PAXIP1: variants seen among roughly 807,000 people sequenced by gnomAD.
PAXIP1 encodes PAX interacting protein 1.
In PAXIP1, 19 loss-of-function variants were observed where a neutral mutation model predicts 140.6. That is an observed-to-expected ratio of 0.14 (90% confidence interval 0.09 to 0.20). The LOEUF (loss-of-function observed/expected upper bound fraction) is 0.20. Among genes scored for constraint, PAXIP1 ranks in the 10% least tolerant of loss-of-function variants. The probability of loss-of-function intolerance (pLI) is 1.00; values close to 1 mark genes in which losing one functional copy is unlikely to be tolerated. For missense variants in PAXIP1, 920 were observed against 1,208.6 expected (o/e 0.76, Z 3.54); for synonymous variants, 442 against 444.6 (o/e 0.99, Z 0.07).
Position 154,954,189 on chromosome 7 carries a change from G to A in PAXIP1, c.2821+66C>T. On this transcript the variant is annotated intron_variant, in intron 16 of 20. Coordinates refer to ENST00000404141, the MANE Select transcript of PAXIP1 (RefSeq NM_007349.4). This position sits in a 1 kb window ranked among gnomAD's most constrained non-coding sequence, Gnocchi z 5.1. ...TTAAATATTTGTTGGGATGAAAAGA[G>A]ATGAATTCAAGAAAAAAAAAAGTTT... 9.3e-7 allele frequency: 1 copy of A among 1,073,522 alleles called. No homozygotes were observed. The highest frequency in any genetic ancestry group is 2.2e-4 in the Middle Eastern group (1 of 4,520). 66.5% of individuals were successfully genotyped at this position (1,073,522 alleles called of 1,614,324 possible).
chr7:154,954,299 G>A lies in PAXIP1; in HGVS notation c.2777C>T (p.Thr926Met), dbSNP rs750146450. The A allele has an allele frequency of 1.4e-5, 22 of 1,592,494 alleles. No homozygotes were observed. In the Admixed American group the frequency reaches 2.4e-4, roughly 17 times the overall value. The change falls in exon 16 of 21, where the codon ACG becomes ATG. Residue 926 changes from threonine to methionine, a missense_variant. By Grantham distance (81) the Thr-to-Met change is moderately conservative. This residue lies in a region of PAXIP1 where 303 missense variants were observed against 517.9 expected (regional missense o/e 0.59). Coordinates refer to ENST00000404141, the MANE Select transcript of PAXIP1 (RefSeq NM_007349.4). The surrounding 1 kb of genome is among the most constrained non-coding windows in gnomAD (Gnocchi z 5.1). ...TAISVVKHIV[T>M]PEWLEECFRC... ...GAAGCATTCTTCCAGCCACTCTGGC[G>A]TCACTATGTGCTTCACGACAGAAAT...
At chr7:154,957,444 A>G in intron 13 of PAXIP1, 150 bp from the exon 14 acceptor site, 1 of 467,724 alleles carries the variant, frequency 2.1e-6, no homozygotes, top group Non-Finnish European at 3.8e-6. Context: ...TCTTCACCTC[A>G]AAAGATCACT....
chr7:154,997,703 C>T (rs1209262914), intron 2 of PAXIP1, among the ~76,000 whole-genome samples: 2 of 152,184 alleles, frequency 1.3e-5, no homozygotes, highest in Non-Finnish European at 2.9e-5. Context: ...ACAATTCTTC[C>T]ACTAGCTGAA....
chr7:154,982,873 A>T (rs963545248), intron 5 of PAXIP1, among the ~76,000 whole-genome samples: 2 of 151,392 alleles, frequency 1.3e-5, no homozygotes, highest in African/African-American at 2.4e-5. Context: ...CAAGGTTCTT[A>T]AAAAAAAATG....
intron 16 of PAXIP1, chr7:154,948,966 C>G (rs1031947125): frequency 1.3e-5 from 2 of 152,012 alleles, no homozygotes; most frequent in Admixed American, 6.6e-5. Flanking sequence ...TAATAATTGA[C>G]AGATTTTCAG....
At chr7:155,000,822 T>C (rs1459364610) in intron 1 of PAXIP1, 1 of 152,224 alleles carries the variant, frequency 6.6e-6, no homozygotes, top group Non-Finnish European at 1.5e-5. Flanking sequence ...CCTCAGCACA[T>C]ACGCTCCACA....
At chr7:154,959,713 TA>T (rs1361415368) in intron 13 of PAXIP1, among the ~76,000 whole-genome samples, 176 bp downstream of exon 13, 2 of 152,226 alleles carry the variant, frequency 1.3e-5, no homozygotes, top group Admixed American at 1.3e-4. Flanking sequence ...CAGTGGTTCT[TA>T]AAGTTCTTGC....
chr7:154,963,910 C>A lies in PAXIP1; in HGVS notation c.1894-144G>T. ...AAAGTATCAAGGACATGTAACAGTT[C>A]TATTTACGGACTTTTCTACCCAGCA... is the stretch of plus-strand genomic sequence containing the variant. On this transcript the variant is annotated intron_variant, in intron 8 of 20. Coordinates refer to ENST00000404141, the MANE Select transcript of PAXIP1 (RefSeq NM_007349.4). The surrounding 1 kb of genome is among the most constrained non-coding windows in gnomAD (Gnocchi z 4.1). The A allele has an allele frequency of 1.6e-6, 1 of 639,256 alleles. No homozygotes were observed. Among genetic ancestry groups the A allele is most frequent in the South Asian group, 1.8e-5 (1 of 54,600 alleles). The allele number at this position is 639,256 out of a possible 1,614,324, so 39.6% of individuals were successfully genotyped here.
At chr7:154,967,018 T>A (rs1809056184) in intron 8 of PAXIP1, among the ~76,000 whole-genome samples, 1 of 152,134 alleles carries the variant, frequency 6.6e-6, no homozygotes, top group Non-Finnish European at 1.5e-5. Flanking sequence ...AGGAATCACC[T>A]CTCCCAGCAG....
intron 4 of PAXIP1, among the ~76,000 whole-genome samples, chr7:154,985,276 T>A (rs1286371324): frequency 6.6e-6 from 1 of 152,192 alleles, no homozygotes; most frequent in East Asian, 1.9e-4. Flanking sequence ...AGTGCTTTTC[T>A]TTTTTAAAAA....
intron 3 of PAXIP1, among the ~76,000 whole-genome samples, chr7:154,993,088 C>T (rs1810422651): frequency 6.6e-6 from 1 of 152,122 alleles, no homozygotes; most frequent in Non-Finnish European, 1.5e-5. Flanking sequence ...AAGAATTATC[C>T]TTTTAGGATG....
chr7:154,960,909 T>A lies in PAXIP1; in HGVS notation c.2418A>T (p.Leu806Phe). ...TTCACTTACCTAAAAGATTTAAAAC[T>A]AAATGCTGGGTAGGGGCAAATGGAT... is the stretch of plus-strand genomic sequence containing the variant. ...LQDPFAPTQH[L>F]VLNLLDAWRV... Residue 806 changes from leucine to phenylalanine, a missense_variant, in exon 12 of 21, where the codon TTA becomes TTT. Around this residue, in one of 5 missense-constraint regions of PAXIP1, gnomAD observed 303 missense variants for 517.9 expected, o/e 0.59. Transcript: ENST00000404141. 1 of 1,580,932 alleles carries A rather than the reference T, an allele frequency of 6.3e-7. No homozygotes were observed. The highest frequency in any genetic ancestry group is 2.3e-5 in the East Asian group (1 of 44,250).
Position 154,976,024 on chromosome 7 carries a change from A to C in PAXIP1, c.746T>G (p.Phe249Cys). The C allele has an allele frequency of 6.2e-7, 1 of 1,611,752 alleles. No individual in the cohort carries two copies. The highest frequency in any genetic ancestry group is 8.5e-7 in the Non-Finnish European group (1 of 1,178,638). The change falls in exon 6 of 21, where the codon TTT (phenylalanine) becomes TGT (cysteine). Residue 249 changes from phenylalanine to cysteine, a missense_variant. By Grantham distance (205) the Phe-to-Cys change is radical. Coordinates refer to ENST00000404141, the MANE Select transcript of PAXIP1 (RefSeq NM_007349.4). ...CGGTGATGAATCTGAAGAATCATCA[A>C]ACATTAATTCCCCTTTAGATTTTTC... ...NTEKSKGELM[F>C]DDSSDSSPEK...
At chr7:154,980,445 C>G (rs1368549838) in intron 5 of PAXIP1, among the ~76,000 whole-genome samples, 2 of 152,116 alleles carry the variant, frequency 1.3e-5, no homozygotes, top group African/African-American at 4.8e-5. Flanking sequence ...AGCAGGGTCT[C>G]ACTTTGTTGC....
intron 6 of PAXIP1, chr7:154,974,329 G>C (rs1364021647): frequency 6.6e-6 from 1 of 152,228 alleles, no homozygotes; most frequent in South Asian, 2.1e-4. Flanking sequence ...TTTACACAGA[G>C]TGCATCTCAC....
chr7:154,967,304 T>G (rs1450749317), intron 8 of PAXIP1: 2 of 152,762 alleles, frequency 1.3e-5, no homozygotes, highest in Non-Finnish European at 1.5e-5. Context: ...TAAAAAAAAT[T>G]TTTTGACTCA....
intron 4 of PAXIP1, among the ~76,000 whole-genome samples, chr7:154,985,358 A>G (rs1350211819): frequency 2.0e-5 from 3 of 152,184 alleles, no homozygotes. Context: ...GCTAAAATCC[A>G]AAGGCTCCCC....
chr7:154,955,838 A>G (rs1808483486), intron 14 of PAXIP1, among the ~76,000 whole-genome samples: 1 of 152,192 alleles, frequency 6.6e-6, no homozygotes, highest in Non-Finnish European at 1.5e-5. Context: ...CTACCTTTGA[A>G]GCCTCCAAGG....
chr7:154,986,667 G>C lies in PAXIP1; in HGVS notation c.325-3335C>G, dbSNP rs1030047532. 2.0e-5 allele frequency among the ~76,000 whole-genome samples: 3 copies of C among 152,054 alleles called. No individual in the cohort carries two copies. Among genetic ancestry groups the C allele is most frequent in the East Asian group, 1.9e-4 (1 of 5,178 alleles). ...ACTTTTCTTAAACTACAATTTCCAG[G>C]GTTTCTTCATAGAAGTGACTATTAA... On this transcript the variant is annotated intron_variant, in intron 4 of 20. Transcript: ENST00000404141. This position sits in a 1 kb window ranked among gnomAD's most constrained non-coding sequence, Gnocchi z 4.8.
Sources: gnomAD v4.1 joint callset for allele counts (sites outside exome capture counted in the v4.1 genomes callset) on GRCh38, gnomAD v4.1.1 for gene constraint, gnomAD v4.1.1 regional missense constraint, Gnocchi (gnomAD v3.1) non-coding constraint, MANE v1.5 for transcripts, NCBI Gene and HGNC (gene_info 2026-07-23, HGNC 2026-07-21) for gene names.